Variants in TEAD3 observed in about 807,000 individuals in gnomAD.
TEAD3 encodes transcriptional enhancer factor TEF-5.
A neutral mutation model predicts 55.6 loss-of-function variants in TEAD3; 15 were observed. The observed-to-expected ratio is 0.27, with a 90% confidence interval of 0.18 to 0.42. The LOEUF is 0.42. Ranked by LOEUF, TEAD3 falls within the 10% of genes least tolerant of loss-of-function variation. TEAD3 has a pLI of 1.00. For synonymous variants in TEAD3, 210 were observed against 232.2 expected (o/e 0.90, Z 0.87); for missense variants, 407 against 576.8 (o/e 0.71, Z 3.01).
At chr6:35,479,981 G>C in intron 4 of TEAD3, 1 of 1,276,994 alleles carries the variant, frequency 7.8e-7, no homozygotes, top group Non-Finnish European at 1.1e-6. Context: ...CCTGTCCCAG[G>C]CTGGAGCCAC....
intron 9 of TEAD3, 34 bp from the exon 10 acceptor site, chr6:35,476,126 A>G (rs371440878): frequency 1.9e-6 from 3 of 1,545,620 alleles, no homozygotes; most frequent in Non-Finnish European, 2.6e-6. Context: ...TCAGGAGAGT[A>G]CTCAGGCTTG....
intron 7 of TEAD3, among the ~76,000 whole-genome samples, chr6:35,477,787 G>T (rs1178812301): frequency 6.7e-6 from 1 of 148,930 alleles, no homozygotes; most frequent in Non-Finnish European, 1.5e-5. Context: ...GCTGATGAGA[G>T]AATGCATAGT....
Position 35,485,588 on chromosome 6 carries a change from A to T in TEAD3, c.202+873T>A, listed in dbSNP as rs932767021. ...CCTCCCGCCAGCCCCTCTCCACCCC[A>T]CTCTCTCCACCCTGTCTAAAAATAC... On this transcript the variant is annotated intron_variant, in intron 2 of 12. Coordinates refer to ENST00000639578, the Ensembl canonical transcript of TEAD3. The surrounding 1 kb of genome is among the most constrained non-coding windows in gnomAD (Gnocchi z 4.3). Among the ~76,000 whole-genome samples, 1 of 148,164 alleles carries T rather than the reference A, an allele frequency of 6.7e-6. No individual in the cohort carries two copies. Among genetic ancestry groups the T allele is most frequent in the Non-Finnish European group, 1.5e-5 (1 of 66,726 alleles).
In TEAD3 at chr6:35,476,289, C is replaced by T. The variant is rs1459860096; in HGVS notation, c.726+13G>A. 6.2e-7 allele frequency: 1 copy of T among 1,610,782 alleles called. No individual in the cohort carries two copies. On this transcript the variant is annotated intron_variant, in intron 9 of 12. Coordinates refer to ENST00000639578, the Ensembl canonical transcript of TEAD3. ...ATTGTGCAAAGCCTCACCCTCACCC[C>T]CAAACACGTTACCGTGTCAGGGTCT... is the stretch of plus-strand genomic sequence containing the variant.
At chr6:35,478,438 G>A (rs1361866729) in exon 6 of TEAD3, 7 of 1,613,588 alleles carry the variant, frequency 4.3e-6, no homozygotes, top group South Asian at 3.3e-5. Flanking sequence ...ATGTACCCGC[G>A]AGGAAGTGGA....
intron 3 of TEAD3, 80 bp from the exon 4 acceptor site, chr6:35,480,454 G>A: frequency 4.1e-6 from 6 of 1,457,130 alleles, no homozygotes; most frequent in Non-Finnish European, 5.7e-6. Flanking sequence ...CGCGGGCAAG[G>A]AGCATCCCAG....
intron 9 of TEAD3, 66 bp downstream of exon 9, chr6:35,476,236 C>T: frequency 1.3e-6 from 2 of 1,570,880 alleles, no homozygotes; most frequent in Non-Finnish European, 8.6e-7. Flanking sequence ...GAGTTGCAGC[C>T]CTGGATCACC....
At chr6:35,490,717 C>A (rs907552339) in intron 1 of TEAD3, among the ~76,000 whole-genome samples, 1 of 152,202 alleles carries the variant, frequency 6.6e-6, no homozygotes, top group Non-Finnish European at 1.5e-5. Flanking sequence ...CATGTGCCCG[C>A]CTTCTTCTCC....
intron 1 of TEAD3, among the ~76,000 whole-genome samples, chr6:35,487,002 T>A (rs1265045010): frequency 6.6e-6 from 1 of 152,180 alleles, no homozygotes; most frequent in East Asian, 1.9e-4. Flanking sequence ...GTAAATGAGC[T>A]CATGACAAAG....
intron 4 of TEAD3, 83 bp from the exon 5 acceptor site, chr6:35,479,399 C>G: frequency 6.5e-7 from 1 of 1,545,426 alleles, no homozygotes; most frequent in Non-Finnish European, 8.9e-7. Flanking sequence ...GCGCCTACCT[C>G]CACCCAGTGC....
intron 4 of TEAD3, 91 bp from the exon 5 acceptor site, chr6:35,479,407 T>TG: frequency 2.0e-6 from 3 of 1,512,774 alleles, no homozygotes; most frequent in Non-Finnish European, 2.7e-6. Flanking sequence ...CTCCACCCAG[T>TG]GCCCATGGGT....
Position 35,484,418 on chromosome 6 carries a change from G to A in TEAD3, c.267+142C>T, listed in dbSNP as rs1294635584. On this transcript the variant is annotated intron_variant, in intron 3 of 12. Transcript: ENST00000639578. This position sits in a 1 kb window ranked among gnomAD's most constrained non-coding sequence, Gnocchi z 5.8. ...GGAGGGTGTAAAATCGAGGGGGTAA[G>A]GGGAGTGTGATGAGGCAAGGAGGGT... 30 of 741,300 alleles carry A rather than the reference G, an allele frequency of 4.0e-5. No homozygotes were observed. The highest frequency in any genetic ancestry group is 8.6e-5 in the Admixed American group (4 of 46,684). The allele number at this position is 741,300 out of a possible 1,614,324, so 45.9% of individuals were successfully genotyped here.
chr6:35,482,865 G>A (rs1483100730), intron 3 of TEAD3, among the ~76,000 whole-genome samples: 3 of 152,176 alleles, frequency 2.0e-5, no homozygotes, highest in Admixed American at 6.5e-5. Context: ...AGAAGGACCC[G>A]CTGAGAGTTC....
At chr6:35,479,270 C>T (rs1469737754) in intron 5 of TEAD3, 35 bp downstream of exon 5, 17 of 1,611,758 alleles carry the variant, frequency 1.1e-5, no homozygotes, top group Non-Finnish European at 1.4e-5. Context: ...AAGACCCTTT[C>T]CCCCACTCCC....
chr6:35,488,959 A>G lies in TEAD3; in HGVS notation c.-49-2248T>C, dbSNP rs1335705350. ...TTTTTAGTAAAGACGGGGTTTCACC[A>G]TGTTGGCCAGGCTGGTCTCAAACTT... is the stretch of plus-strand genomic sequence containing the variant. On this transcript the variant is annotated intron_variant, in intron 1 of 12. Transcript: ENST00000639578. The surrounding 1 kb of genome is among the most constrained non-coding windows in gnomAD (Gnocchi z 4.2). Among the ~76,000 whole-genome samples the G allele has an allele frequency of 6.6e-6, 1 of 152,166 alleles. No homozygotes were observed. The highest frequency in any genetic ancestry group is 1.5e-5 in the Non-Finnish European group (1 of 68,014).
At position 35,484,497 on chromosome 6, in the gene TEAD3, G is replaced by A. The variant is rs1412399041; in HGVS notation, c.267+63C>T. ...GAGGTGGGCAGGGTAGGGGCAAGGG[G>A]TTGACCGGGGCAGCTGAGACAGAGT... On this transcript the variant is annotated intron_variant, in intron 3 of 12. Transcript: ENST00000639578. This position sits in a 1 kb window ranked among gnomAD's most constrained non-coding sequence, Gnocchi z 5.8. 1 of 1,520,850 alleles carries A rather than the reference G, an allele frequency of 6.6e-7. No homozygotes were observed. The highest frequency in any genetic ancestry group is 9.0e-7 in the Non-Finnish European group (1 of 1,116,394). The allele number at this position is 1,520,850 out of a possible 1,614,324, so 94.2% of individuals were successfully genotyped here.
At chr6:35,480,097 G>A (rs941150142) in exon 4 of TEAD3, 1 of 1,540,224 alleles carries the variant, frequency 6.5e-7, no homozygotes, top group Admixed American at 2.0e-5. Flanking sequence ...TTTCCGCCTG[G>A]CTAGAACTTG....
In TEAD3 at chr6:35,486,363, C is replaced by T. The variant is rs1768380008; in HGVS notation, c.202+98G>A. 3 of 1,404,662 alleles carry T rather than the reference C, an allele frequency of 2.1e-6. No homozygotes were observed. The highest frequency in any genetic ancestry group is 2.9e-5 in the African/African-American group (2 of 69,556). The allele number at this position is 1,404,662 out of a possible 1,614,324, so 87.0% of individuals were successfully genotyped here. A position where few individuals can be genotyped will look rare whatever the true frequency, so the allele number is the denominator to read the frequency against. ...GCTTGCGCGCCCAGACTCGCCCGGC[C>T]AGCGGCTGGCGGCCTCCGACGTCAC... On this transcript the variant is annotated intron_variant, in intron 2 of 12. Transcript: ENST00000639578. The surrounding 1 kb of genome is among the most constrained non-coding windows in gnomAD (Gnocchi z 7.3).
intron 3 of TEAD3, among the ~76,000 whole-genome samples, chr6:35,481,919 G>A (rs911906130): frequency 2.0e-5 from 3 of 152,218 alleles, no homozygotes; most frequent in African/African-American, 7.2e-5. Context: ...TGGAGGCATT[G>A]TGCTTACTAC....
Sources: allele counts gnomAD v4.1 joint callset (sites outside exome capture counted in the v4.1 genomes callset), GRCh38; gene constraint gnomAD v4.1.1; non-coding constraint Gnocchi (gnomAD v3.1); transcripts MANE v1.5; gene names NCBI Gene and HGNC (gene_info 2026-07-23, HGNC 2026-07-21).